Variants in TYMS observed in about 807,000 individuals in gnomAD.
The protein encoded by TYMS is thymidylate synthase.
TYMS carries 21 observed loss-of-function variants against 39.3 expected under a neutral mutation model. The ratio of observed to expected loss-of-function variants is 0.54; its 90% CI spans 0.38 to 0.77. TYMS has a LOEUF of 0.77. Ranked by LOEUF, TYMS falls within the 30% of genes least tolerant of loss-of-function variation. The probability of loss-of-function intolerance (pLI) is 0.00; values close to 1 mark genes in which losing one functional copy is unlikely to be tolerated. For synonymous variants in TYMS, 171 were observed against 162.2 expected, an observed-to-expected ratio of 1.05 and a Z score of -0.41; for missense variants, 273 against 406.7, an observed-to-expected ratio of 0.67 and a Z score of 2.83.
rs536583615 is a variant in TYMS, at chr18:658,301, C to G, written c.205+354C>G. On this transcript the variant is annotated intron_variant, in intron 1 of 6. Coordinates refer to ENST00000323274, the MANE Select transcript of TYMS (RefSeq NM_001071.4). The surrounding 1 kb of genome is among the most constrained non-coding windows in gnomAD (Gnocchi z 4.5). ...TTAGGGAGAGCTGCCTGGGCTTGAC[C>G]GCGCGCCGGTCTCAAAGTCCTGGCT... The G allele has an allele frequency of 1.4e-6, 2 of 1,391,360 alleles. No homozygotes were observed. Among genetic ancestry groups the G allele is most frequent in the Admixed American group, 2.2e-5 (1 of 45,374 alleles). The allele number at this position is 1,391,360 out of a possible 1,614,324, so 86.2% of individuals were successfully genotyped here. A position where few individuals can be genotyped will look rare whatever the true frequency, so the allele number is the denominator to read the frequency against.
At chr18:668,974 A>C in intron 3 of TYMS, 98 bp from the exon 4 acceptor site, 1 of 964,938 alleles carries the variant, frequency 1.0e-6, no homozygotes, top group Non-Finnish European at 1.6e-6. Flanking sequence ...TCAAGGGGGG[A>C]CCCTGGGTAA....
chr18:662,504 C>T lies in TYMS; in HGVS notation c.454+184C>T, dbSNP rs1461277214. On this transcript the variant is annotated intron_variant, in intron 3 of 6. Transcript: ENST00000323274. ...AGCCTCATGAAGGCCGTTTCACACT[C>T]TTTTTTTTTTTTTTTTTTAATTATT... Among the ~76,000 whole-genome samples the T allele has an allele frequency of 3.4e-4, 46 of 134,678 alleles. No homozygotes were observed. The South Asian group carries it at 7.1e-3, about 21-fold the overall frequency. 88.4% of individuals were successfully genotyped at this position (134,678 alleles called of 152,430 possible). A position where few individuals can be genotyped will look rare whatever the true frequency, so the allele number is the denominator to read the frequency against.
At chr18:664,088 ATC>A (rs1567988043) in intron 3 of TYMS, among the ~76,000 whole-genome samples, 1 of 146,972 alleles carries the variant, frequency 6.8e-6, no homozygotes, top group African/African-American at 2.6e-5. Context: ...ATGGCATTGA[ATC>A]TATAAATTAC....
chr18:658,488 GAACC>G lies in TYMS; in HGVS notation c.205+543_205+546del, dbSNP rs2074718873. ...TGGTGGCCTCCCATCCAATCCCCAC[GAACC>G]AGCTTTCCTCTTAAACCTTGAAAAG... On this transcript the variant is annotated intron_variant, in intron 1 of 6. Transcript: ENST00000323274. The surrounding 1 kb of genome is among the most constrained non-coding windows in gnomAD (Gnocchi z 4.5). The G allele has an allele frequency of 1.0e-5, 4 of 401,872 alleles. No homozygotes were observed. The highest frequency in any genetic ancestry group is 1.7e-5 in the Non-Finnish European group (4 of 229,284). The allele number at this position is 401,872 out of a possible 1,614,324, so 24.9% of individuals were successfully genotyped here. A position where few individuals can be genotyped will look rare whatever the true frequency, so the allele number is the denominator to read the frequency against.
chr18:662,504 C>CTTT (rs11411741), intron 3 of TYMS, among the ~76,000 whole-genome samples, 184 bp downstream of exon 3: 1,590 of 134,636 alleles, frequency 0.012, 37 homozygotes, highest in African/African-American at 0.038. Flanking sequence ...GTTTCACACT[C>CTTT]TTTTTTTTTT....
intron 4 of TYMS, chr18:670,488 C>T: frequency 3.5e-6 from 2 of 571,272 alleles, no homozygotes; most frequent in Non-Finnish European, 6.2e-6. Context: ...TGGACACCTG[C>T]AGAAACCTTG....
rs116153058 is a variant in TYMS, at chr18:670,533, C to T, written c.557-159C>T. The T allele has an allele frequency of 1.4e-3, 963 of 698,418 alleles. 8 individuals carry two copies. The highest frequency in any genetic ancestry group is 0.011 in the South Asian group (577 of 52,642). The allele number at this position is 698,418 out of a possible 1,614,324, so 43.3% of individuals were successfully genotyped here. ...ATAGTCTCCCTCAGCTCCGTGCCATCGCTGCAGAGGCTGTTATGGACATCA... is the reference window on the plus strand; with the variant it reads ...ATAGTCTCCCTCAGCTCCGTGCCATTGCTGCAGAGGCTGTTATGGACATCA... On this transcript the variant is annotated intron_variant, in intron 4 of 6. Transcript: ENST00000323274.
rs1198531715 is a variant in TYMS, at chr18:662,197, G to T, written c.331G>T (p.Ala111Ser). Residue 111 changes from alanine to serine, a missense_variant, in exon 3 of 7, where the codon GCC (alanine) becomes TCC (serine). Ala to Ser is a moderately conservative substitution (Grantham distance 99). Around this residue, in one of 3 missense-constraint regions of TYMS, gnomAD observed 228 missense variants for 326.1 expected, o/e 0.70. Coordinates refer to ENST00000323274, the MANE Select transcript of TYMS (RefSeq NM_001071.4). ...TTCCAAGGGAGTGAAAATCTGGGAT[G>T]CCAATGGATCCCGAGACTTTTTGGA... ...LSSKGVKIWD[A>S]NGSRDFLDSL... 1 of 1,613,830 alleles carries T rather than the reference G, an allele frequency of 6.2e-7. No individual in the cohort carries two copies. The highest frequency in any genetic ancestry group is 8.5e-7 in the Non-Finnish European group (1 of 1,179,978).
rs559346114 is a variant in TYMS, at chr18:670,817, G to T, written c.682G>T (p.Ala228Ser). ...DMGLGVPFNI[A>S]SYALLTYMIA... ...GGGCCTCGGTGTGCCTTTCAACATC[G>T]CCAGCTACGCCCTGCTCACGTACAT... Residue 228 changes from alanine to serine, a missense_variant, in exon 5 of 7, where the codon GCC becomes TCC. Physicochemically the swap from Ala to Ser is moderately conservative, Grantham distance 99. Transcript: ENST00000323274. 1 of 1,614,018 alleles carries T rather than the reference G, an allele frequency of 6.2e-7. No homozygotes were observed. The highest frequency in any genetic ancestry group is 8.5e-7 in the Non-Finnish European group (1 of 1,180,026).
intron 3 of TYMS, among the ~76,000 whole-genome samples, chr18:665,462 C>A (rs949293992): frequency 6.7e-6 from 1 of 149,414 alleles, no homozygotes; most frequent in African/African-American, 2.5e-5. Context: ...TTTCAAAAAA[C>A]CAGCTCCTGG....
chr18:664,607 G>A (rs1291301797), intron 3 of TYMS, among the ~76,000 whole-genome samples: 2 of 138,276 alleles, frequency 1.4e-5, no homozygotes, highest in African/African-American at 5.8e-5. Flanking sequence ...GTTTTCAAAG[G>A]GAATGCTTCC....
In TYMS at chr18:667,263, AGATGGT is replaced by A. The variant is rs144717320; in HGVS notation, c.455-1797_455-1792del. 2.6e-4 allele frequency among the ~76,000 whole-genome samples: 3 copies of A among 11,740 alleles called. 1 individual carries two copies. Among genetic ancestry groups the A allele is most frequent in the Non-Finnish European group, 4.1e-4 (3 of 7,242 alleles). The allele number at this position is 11,740 out of a possible 152,430, so 7.7% of individuals were successfully genotyped here. On this transcript the variant is annotated intron_variant, in intron 3 of 6. Transcript: ENST00000323274. ...GAGATGGTGATGGTGATGGTGATGG[AGATGGT>A]GATGGTGATGGGATGGTGATGGAGA...
chr18:666,987 T>TGGA (rs2074843563), intron 3 of TYMS, among the ~76,000 whole-genome samples: 1 of 5,294 alleles, frequency 1.9e-4, no homozygotes, highest in East Asian at 5.6e-3. Flanking sequence ...ATGGAGATGG[T>TGGA]GATGGTGATG....
chr18:666,295 G>A (rs1406636877), intron 3 of TYMS, among the ~76,000 whole-genome samples: 1 of 151,838 alleles, frequency 6.6e-6, no homozygotes, highest in Non-Finnish European at 1.5e-5. Flanking sequence ...TGCCCCCATT[G>A]CTTTGTTGTG....
intron 6 of TYMS, 82 bp downstream of exon 6, chr18:671,533 C>A: frequency 1.1e-6 from 1 of 903,874 alleles, no homozygotes; most frequent in Non-Finnish European, 1.8e-6. Context: ...CTGCTCAATG[C>A]TGTGTCCAAG....
At chr18:668,284 C>A (rs1247198110) in intron 3 of TYMS, among the ~76,000 whole-genome samples, 1 of 152,056 alleles carries the variant, frequency 6.6e-6, no homozygotes, top group Non-Finnish European at 1.5e-5. Context: ...AGAGGACTTT[C>A]CTCCCAAAAT....
intron 2 of TYMS, 99 bp from the exon 3 acceptor site, chr18:662,047 C>A: frequency 7.6e-7 from 1 of 1,312,546 alleles, no homozygotes; most frequent in Non-Finnish European, 1.0e-6. Flanking sequence ...AGCAAGTCAG[C>A]AGGGGCCAGA....
rs1308216109 is a variant in TYMS, at chr18:660,353, A to T, written c.279+639A>T. 6.6e-6 allele frequency among the ~76,000 whole-genome samples: 1 copy of T among 151,428 alleles called. No individual in the cohort carries two copies. The highest frequency in any genetic ancestry group is 2.4e-5 in the African/African-American group (1 of 41,140). On this transcript the variant is annotated intron_variant, in intron 2 of 6. Coordinates refer to ENST00000323274, the MANE Select transcript of TYMS (RefSeq NM_001071.4). The surrounding 1 kb of genome is among the most constrained non-coding windows in gnomAD (Gnocchi z 4.6). ...CTAGACCTCCTGATTTAAAACTGTGACTCTCCCCCAACCTCCTTGGTGTTT... is the reference window on the plus strand; with the variant it reads ...CTAGACCTCCTGATTTAAAACTGTGTCTCTCCCCCAACCTCCTTGGTGTTT...
chr18:658,341 G>C lies in TYMS; in HGVS notation c.205+394G>C. 2 of 1,340,148 alleles carry C rather than the reference G, an allele frequency of 1.5e-6. No homozygotes were observed. Among genetic ancestry groups the C allele is most frequent in the Non-Finnish European group, 2.0e-6 (2 of 1,016,082 alleles). 83.0% of individuals were successfully genotyped at this position (1,340,148 alleles called of 1,614,324 possible). On this transcript the variant is annotated intron_variant, in intron 1 of 6. Transcript: ENST00000323274. The surrounding 1 kb of genome is among the most constrained non-coding windows in gnomAD (Gnocchi z 4.5). ...AAGTCCTGGCTTTGGCCCCTCCTCC[G>C]TTTTCCCCTGTGGACCATTCCGCTT... is the stretch of plus-strand genomic sequence containing the variant.
Sources: allele counts gnomAD v4.1 joint callset (sites outside exome capture counted in the v4.1 genomes callset), GRCh38; gene constraint gnomAD v4.1.1; regional missense constraint gnomAD v4.1.1; non-coding constraint Gnocchi (gnomAD v3.1); transcripts MANE v1.5; gene names NCBI Gene and HGNC (gene_info 2026-07-23, HGNC 2026-07-21).